FTO: variants seen among roughly 807,000 people sequenced by gnomAD.
FTO encodes the protein FTO alpha-ketoglutarate dependent dioxygenase.
A neutral mutation model predicts 63.9 loss-of-function variants in FTO; 47 were observed. The ratio of observed to expected loss-of-function variants is 0.74; its 90% confidence interval spans 0.58 to 0.94. FTO has a LOEUF of 0.94. Ranked by LOEUF, FTO falls within the 40% of genes least tolerant of loss-of-function variation. The pLI, the probability that FTO is intolerant of heterozygous loss-of-function variation, is 0.00. For synonymous variants in FTO, 207 were observed against 224.4 expected, an observed-to-expected ratio of 0.92 and a Z score of 0.69; for missense variants, 562 against 618.1, an observed-to-expected ratio of 0.91 and a Z score of 0.96.
chr16:53,891,752 A>C lies in FTO; in HGVS notation c.1239+2801A>C, dbSNP rs566727464. Among the ~76,000 whole-genome samples the C allele has an allele frequency of 2.6e-5, 4 of 152,360 alleles. No homozygotes were observed. The East Asian group carries it at 7.7e-4, about 29-fold the overall frequency. On this transcript the variant is annotated intron_variant, in intron 7 of 8. Transcript: ENST00000471389. ...GAATTCATTTAAGGAATTTAGTTAT[A>C]TCTATGTAAATTTGTGTATAAATAA...
At chr16:53,982,598 T>G (rs1044154595) in intron 8 of FTO, among the ~76,000 whole-genome samples, 10 of 152,196 alleles carry the variant, frequency 6.6e-5, no homozygotes, top group African/African-American at 2.4e-4. Flanking sequence ...AATTTATGGC[T>G]TCAAGTGATA....
intron 8 of FTO, chr16:53,937,355 C>T: frequency 2.5e-6 from 1 of 398,308 alleles, no homozygotes; most frequent in Non-Finnish European, 4.4e-6. Flanking sequence ...ATCCAGTCCC[C>T]TCTGCCTGAT....
chr16:53,921,969 A>G (rs1567439449), intron 7 of FTO, among the ~76,000 whole-genome samples: 3 of 152,236 alleles, frequency 2.0e-5, no homozygotes, highest in Non-Finnish European at 4.4e-5. Context: ...CATGCTAAGT[A>G]CTTCCATCAC....
chr16:53,864,475 T>C (rs2080254275), intron 4 of FTO, among the ~76,000 whole-genome samples: 1 of 152,188 alleles, frequency 6.6e-6, no homozygotes, highest in Admixed American at 6.5e-5. Context: ...CTAGCATAAA[T>C]TATAGCATTG....
intron 1 of FTO, among the ~76,000 whole-genome samples, chr16:53,772,496 A>G (rs964166480): frequency 6.6e-6 from 1 of 152,072 alleles, no homozygotes; most frequent in African/African-American, 2.4e-5. Context: ...TATCATCAAC[A>G]TGTGATACAC....
chr16:53,748,307 TTTAC>T (rs1287500340), intron 1 of FTO, among the ~76,000 whole-genome samples: 3 of 152,214 alleles, frequency 2.0e-5, no homozygotes, highest in Non-Finnish European at 4.4e-5. Context: ...TGGGATATCA[TTTAC>T]TTAGTTGTAT....
In FTO at chr16:53,769,216, C is replaced by G. The variant is rs77955027; in HGVS notation, c.46-40924C>G. Among the ~76,000 whole-genome samples, 932 of 152,248 alleles carry G rather than the reference C, an allele frequency of 6.1e-3. 8 individuals carry two copies. Among genetic ancestry groups the G allele is most frequent in the African/African-American group, 0.021 (876 of 41,522 alleles). ...CGATTATGTCCATTTATCTTTCCTT[C>G]TTCTGGGTGAGAGGGGAGATGAAAA... On this transcript the variant is annotated intron_variant, in intron 1 of 8. Coordinates refer to ENST00000471389, the MANE Select transcript of FTO (RefSeq NM_001080432.3).
intron 8 of FTO, among the ~76,000 whole-genome samples, chr16:54,067,277 C>T (rs940099561): frequency 2.0e-5 from 3 of 152,068 alleles, no homozygotes; most frequent in Admixed American, 2.0e-4. Flanking sequence ...AAGCAAAAAC[C>T]AGCCAACATG....
At chr16:53,832,944 G>T (rs773119142) in intron 3 of FTO, among the ~76,000 whole-genome samples, 1 of 152,038 alleles carries the variant, frequency 6.6e-6, no homozygotes, top group Non-Finnish European at 1.5e-5. Flanking sequence ...TACAATATTT[G>T]ACCTTTTGTG....
At chr16:54,067,609 C>A (rs2085764026) in intron 8 of FTO, among the ~76,000 whole-genome samples, 1 of 152,160 alleles carries the variant, frequency 6.6e-6, no homozygotes, top group Non-Finnish European at 1.5e-5. Flanking sequence ...CCCACAGATG[C>A]CAGTAGACAT....
intron 8 of FTO, among the ~76,000 whole-genome samples, chr16:54,021,143 C>T (rs1241960513): frequency 3.9e-5 from 6 of 152,166 alleles, no homozygotes; most frequent in Non-Finnish European, 8.8e-5. Flanking sequence ...CTTTCTTCCC[C>T]TCAATTTCTA....
rs189248814 is a variant in FTO, at chr16:54,108,675, G to T, written c.1365-3087G>T. ...ATTATTTTATAGGTATTGGGCGCTT[G>T]CTATGTGCCAGGAAATGTTCTAAAC... On this transcript the variant is annotated intron_variant, in intron 8 of 8. Transcript: ENST00000471389. Among the ~76,000 whole-genome samples, 20 of 152,262 alleles carry T rather than the reference G, an allele frequency of 1.3e-4. No individual in the cohort carries two copies. In the East Asian group the frequency reaches 3.7e-3, roughly 28 times the overall value.
chr16:53,989,651 A>G (rs970329242), intron 8 of FTO, among the ~76,000 whole-genome samples: 5 of 152,174 alleles, frequency 3.3e-5, no homozygotes, highest in African/African-American at 1.2e-4. Context: ...CTCCTCATCT[A>G]TAAGGCGGGA....
At chr16:54,036,210 A>G (rs750324234) in intron 8 of FTO, among the ~76,000 whole-genome samples, 36 of 152,304 alleles carry the variant, frequency 2.4e-4, no homozygotes, top group Middle Eastern at 6.8e-3. Context: ...GGCCCTCAGT[A>G]TTCTGAATTT....
intron 8 of FTO, among the ~76,000 whole-genome samples, chr16:54,081,684 G>A (rs1355332083): frequency 6.6e-6 from 1 of 152,136 alleles, no homozygotes; most frequent in East Asian, 1.9e-4. Flanking sequence ...AATAGTAGGA[G>A]GCACCTAATC....
In FTO at chr16:53,990,007, A is replaced by ATAC. The variant is rs35789920; in HGVS notation, c.1364+55899_1364+55900insACT. Among the ~76,000 whole-genome samples the ATAC allele has an allele frequency of 2.6e-3, 397 of 152,298 alleles. 2 individuals are homozygous for ATAC. In the Middle Eastern group the frequency reaches 0.048, roughly 18 times the overall value. ...CTTTATTGTAAGAATACAGTATAGAATGTGTGTGTACATATAAAAAATATA... is the reference window on the plus strand; with the variant it reads ...CTTTATTGTAAGAATACAGTATAGAATACTGTGTGTGTACATATAAAAAATATA... On this transcript the variant is annotated intron_variant, in intron 8 of 8. Coordinates refer to ENST00000471389, the MANE Select transcript of FTO (RefSeq NM_001080432.3).
intron 1 of FTO, among the ~76,000 whole-genome samples, chr16:53,800,426 T>C (rs968199882): frequency 3.3e-5 from 5 of 152,172 alleles, no homozygotes; most frequent in Non-Finnish European, 7.4e-5. Context: ...TTAGCAAATA[T>C]TGTATGTGTA....
chr16:53,725,281 A>G (rs2076128138), intron 1 of FTO, among the ~76,000 whole-genome samples: 1 of 152,220 alleles, frequency 6.6e-6, no homozygotes, highest in Non-Finnish European at 1.5e-5. Flanking sequence ...TTATGTACAT[A>G]TATGCCTGAA....
intron 1 of FTO, among the ~76,000 whole-genome samples, chr16:53,776,280 G>A (rs2077457431): frequency 6.6e-6 from 1 of 152,158 alleles, no homozygotes; most frequent in South Asian, 2.1e-4. Context: ...AATGGAATTT[G>A]TCTGTGGTTT....
Sources: gnomAD v4.1 joint callset for allele counts (sites outside exome capture counted in the v4.1 genomes callset) on GRCh38, gnomAD v4.1.1 for gene constraint, MANE v1.5 for transcripts, NCBI Gene and HGNC (gene_info 2026-07-23, HGNC 2026-07-21) for gene names.